Variants in MID1 observed in about 807,000 individuals in gnomAD.
The protein encoded by MID1 is E3 ubiquitin-protein ligase Midline-1.
A neutral mutation model predicts 40.4 loss-of-function variants in MID1; 7 were observed. That is an observed-to-expected ratio of 0.17 (90% CI 0.10 to 0.33). MID1 has a LOEUF of 0.33. Among genes scored for constraint, MID1 ranks in the 10% least tolerant of loss-of-function variants. MID1 has a pLI of 1.00. For synonymous variants in MID1, 229 were observed against 221.2 expected (o/e 1.04, Z -0.31); for missense variants, 367 against 558.5 (o/e 0.66, Z 3.46).
At chrX:10,585,632 G>A (rs763899351) in intron 1 of MID1, among the ~76,000 whole-genome samples, 1 of 110,422 alleles carries the variant, frequency 9.1e-6, no homozygotes, top group Non-Finnish European at 1.9e-5. Flanking sequence ...CTTTTTTCTA[G>A]TGAGGATTAA....
At chrX:10,803,895 G>T (rs1438898996) in intron 1 of MID1, among the ~76,000 whole-genome samples, 1 of 110,960 alleles carries the variant, frequency 9.0e-6, no homozygotes, top group Non-Finnish European at 1.9e-5. Flanking sequence ...CCCATTATGT[G>T]TATGTTATAC....
chrX:10,531,233 C>A (rs899402657), intron 2 of MID1, among the ~76,000 whole-genome samples: 3 of 112,100 alleles, frequency 2.7e-5, no homozygotes, highest in Middle Eastern at 9.2e-3. Flanking sequence ...CATATTAACA[C>A]ATGCCACTTG....
intron 7 of MID1, among the ~76,000 whole-genome samples, chrX:10,461,125 A>C (rs1929007629): frequency 9.7e-6 from 1 of 102,679 alleles, no homozygotes; most frequent in Non-Finnish European, 2.0e-5. Flanking sequence ...TATCATCTAA[A>C]GATATCTAAA....
At chrX:10,652,225 C>T (rs966581275) in intron 1 of MID1, among the ~76,000 whole-genome samples, 2 of 111,778 alleles carry the variant, frequency 1.8e-5, no homozygotes, top group African/African-American at 6.5e-5. Context: ...CAGCTCGTGT[C>T]TGTCCCATCT....
chrX:10,823,439 CA>C (rs1279682478), intron 1 of MID1, among the ~76,000 whole-genome samples: 1 of 111,104 alleles, frequency 9.0e-6, no homozygotes, highest in Non-Finnish European at 1.9e-5. Context: ...ACCTATGTAA[CA>C]AATCTGCACA....
chrX:10,493,065 A>C (rs1931038789), intron 4 of MID1, among the ~76,000 whole-genome samples: 1 of 111,823 alleles, frequency 8.9e-6, no homozygotes, highest in African/African-American at 3.3e-5. Context: ...AAGGGCTCTC[A>C]ATGCTGCCCA....
chrX:10,704,703 CAT>C (rs2147084478), intron 1 of MID1, among the ~76,000 whole-genome samples: 1 of 77,475 alleles, frequency 1.3e-5, no homozygotes, highest in South Asian at 6.4e-4. Flanking sequence ...TATATATATG[CAT>C]GTGTGTGTGT....
chrX:10,601,335 C>T (rs1935514925), intron 1 of MID1, among the ~76,000 whole-genome samples: 1 of 111,396 alleles, frequency 9.0e-6, no homozygotes, highest in South Asian at 3.8e-4. Flanking sequence ...TTTGTGTGGC[C>T]CACAAGCTAA....
rs768797649 is a variant in MID1, at chrX:10,572,642, CA to C, written c.-56-5040del. Among the ~76,000 whole-genome samples the C allele has an allele frequency of 6.0e-3, 495 of 82,595 alleles. 1 individual carries two copies. The highest frequency in any genetic ancestry group is 6.4e-3 in the African/African-American group (146 of 22,781). The allele number at this position is 82,595 out of a possible 115,157, so 71.7% of individuals were successfully genotyped here. ...CTGTCATAATGTAATTTCCATGCCT[CA>C]AAAAAAAAAAAAAACTTCTTCATTT... On this transcript the variant is annotated intron_variant, in intron 1 of 9. Coordinates refer to ENST00000317552, the MANE Select transcript of MID1 (RefSeq NM_000381.4).
intron 1 of MID1, among the ~76,000 whole-genome samples, chrX:10,630,543 G>A (rs184941426): frequency 4.7e-5 from 5 of 105,294 alleles, no homozygotes; most frequent in Admixed American, 4.0e-4. Flanking sequence ...TGCGGGGGGC[G>A]GGGGCAGTGG....
chrX:10,678,841 TG>T (rs2043040200), intron 1 of MID1, among the ~76,000 whole-genome samples: 1 of 112,254 alleles, frequency 8.9e-6, no homozygotes. Context: ...TATAATTTAT[TG>T]CCTGTCAGAG....
chrX:10,490,097 A>T (rs1028839350), intron 4 of MID1, among the ~76,000 whole-genome samples: 2 of 111,982 alleles, frequency 1.8e-5, no homozygotes, highest in Non-Finnish European at 3.8e-5. Flanking sequence ...TGGAATTTTC[A>T]TTGAGATTAT....
intron 1 of MID1, among the ~76,000 whole-genome samples, chrX:10,812,092 C>A (rs1185381528): frequency 1.8e-5 from 2 of 111,370 alleles, no homozygotes; most frequent in African/African-American, 6.5e-5. Flanking sequence ...CGGAACAAAG[C>A]AATACAAAAT....
chrX:10,459,932 G>C, intron 7 of MID1, 125 bp from the exon 8 acceptor site: 2 of 777,311 alleles, frequency 2.6e-6, no homozygotes, highest in South Asian at 4.4e-5. Flanking sequence ...TGTCTTGGTA[G>C]TCATGTACGA....
intron 1 of MID1, among the ~76,000 whole-genome samples, chrX:10,636,365 T>G (rs1936109319): frequency 9.0e-6 from 1 of 111,509 alleles, no homozygotes; most frequent in African/African-American, 3.3e-5. Context: ...TAATCTGTAG[T>G]TTTTTTCTTC....
At chrX:10,602,088 G>T (rs1045332492) in intron 1 of MID1, among the ~76,000 whole-genome samples, 1 of 107,091 alleles carries the variant, frequency 9.3e-6, no homozygotes, top group Non-Finnish European at 1.9e-5. Context: ...TAGTACAGAC[G>T]GGGTTTCACC....
At chrX:10,453,706 G>A (rs1201812140) in intron 9 of MID1, among the ~76,000 whole-genome samples, 2 of 111,945 alleles carry the variant, frequency 1.8e-5, no homozygotes, top group East Asian at 5.6e-4. Context: ...GAGTATTAGT[G>A]ACAAAAATCA....
intron 1 of MID1, among the ~76,000 whole-genome samples, chrX:10,733,205 G>A (rs2147104316): frequency 9.0e-6 from 1 of 111,706 alleles, no homozygotes; most frequent in African/African-American, 3.2e-5. Context: ...ACTAAATGGG[G>A]AAAAGAATCA....
intron 5 of MID1, chrX:10,475,132 C>T: frequency 3.0e-6 from 1 of 335,179 alleles, no homozygotes; most frequent in African/African-American, 2.6e-5. Context: ...GTCTGGGAAA[C>T]TGTTTGTTCC....
Sources: allele counts gnomAD v4.1 joint callset (sites outside exome capture counted in the v4.1 genomes callset), GRCh38; gene constraint gnomAD v4.1.1; transcripts MANE v1.5; gene names NCBI Gene and HGNC (gene_info 2026-07-23, HGNC 2026-07-21).